Variants in PKP1 observed in about 807,000 individuals in gnomAD.
PKP1 encodes the protein plakophilin-1.
In PKP1, 27 loss-of-function variants were observed where a neutral mutation model predicts 76.4. That is an observed-to-expected ratio of 0.35 (90% CI 0.26 to 0.49). The LOEUF is 0.49. PKP1 is among the 20% of genes least tolerant of loss of function. PKP1 has a pLI of 0.99. For synonymous variants in PKP1, 404 were observed against 384.2 expected (o/e 1.05, Z -0.60); for missense variants, 964 against 955.2 (o/e 1.01, Z -0.12).
intron 9 of PKP1, 101 bp downstream of exon 9, chr1:201,323,290 G>A (rs1374818193): frequency 1.7e-6 from 2 of 1,147,102 alleles, no homozygotes; most frequent in East Asian, 4.8e-5. Context: ...CCTGACTTCG[G>A]AGCCTCCCAT....
At position 201,325,172 on chromosome 1, in the gene PKP1, C is replaced by G. The variant is rs1014976249; in HGVS notation, c.2021+45C>G. 2.5e-6 allele frequency: 4 copies of G among 1,577,848 alleles called. No homozygotes were observed. The African/African-American group carries it at 5.4e-5, about 21-fold the overall frequency. ...CACGGGCTGCACCCCAATCAGAGCC[C>G]CTCCTCACCCTGCACAGCAGGAAGC... On this transcript the variant is annotated intron_variant, in intron 11 of 13. Transcript: ENST00000367324.
chr1:201,301,573 C>A (rs759756486), intron 2 of PKP1, among the ~76,000 whole-genome samples: 4 of 152,136 alleles, frequency 2.6e-5, no homozygotes, highest in Non-Finnish European at 5.9e-5. Flanking sequence ...GAATGGAATT[C>A]TGTCTTCTCC....
chr1:201,302,933 G>A (rs1228219533), intron 2 of PKP1, among the ~76,000 whole-genome samples: 1 of 152,230 alleles, frequency 6.6e-6, no homozygotes, highest in Non-Finnish European at 1.5e-5. Flanking sequence ...GAGGTTCAGA[G>A]AGGCGAGGCG....
intron 8 of PKP1, 139 bp from the exon 9 acceptor site, chr1:201,322,874 C>T: frequency 4.8e-6 from 4 of 832,538 alleles, no homozygotes; most frequent in South Asian, 1.6e-5. Context: ...TCCTGGGCCC[C>T]CTGCCTCTGC....
chr1:201,319,148 CA>C (rs2102179794), intron 6 of PKP1, among the ~76,000 whole-genome samples: 1 of 152,230 alleles, frequency 6.6e-6, no homozygotes, highest in South Asian at 2.1e-4. Context: ...TTCTTTTAGA[CA>C]AAAGTCTACC....
rs574025301 is a variant in PKP1, at chr1:201,283,999, A to AG, written c.202+99dup. 6.0e-4 allele frequency: 649 copies of AG among 1,089,030 alleles called. 4 individuals carry two copies. The Middle Eastern group carries it at 0.011, about 19-fold the overall frequency. 67.5% of individuals were successfully genotyped at this position (1,089,030 alleles called of 1,614,324 possible). A position where few individuals can be genotyped will look rare whatever the true frequency, so the allele number is the denominator to read the frequency against. ...AGAGACGCACGCATCCCCGGGGATG[A>AG]GGGGAGGCGAGGGGCTGCCGGCCCC... On this transcript the variant is annotated intron_variant, in intron 1 of 13. Transcript: ENST00000367324.
intron 1 of PKP1, among the ~76,000 whole-genome samples, chr1:201,287,899 T>A (rs1655784052): frequency 6.6e-6 from 1 of 152,214 alleles, no homozygotes. Flanking sequence ...TTAGATATCT[T>A]CATGTGAAGT....
At chr1:201,328,649 A>T (rs766758994) in intron 12 of PKP1, 113 bp from the exon 13 acceptor site, 23 of 882,074 alleles carry the variant, frequency 2.6e-5, no homozygotes, top group Middle Eastern at 2.3e-4. Flanking sequence ...CTTAGTGATA[A>T]GAGAGAGGCT....
In PKP1 at chr1:201,313,376, G is replaced by A. The variant is rs1458014783; in HGVS notation, c.517G>A (p.Gly173Ser). Residue 173 changes from glycine (G) to serine (S), a missense_variant, in exon 3 of 14, where the codon GGC becomes AGC. Gly to Ser is a moderately conservative substitution (Grantham distance 56, BLOSUM62 0). Coordinates refer to ENST00000367324, the MANE Select transcript of PKP1 (RefSeq NM_001005337.3). ...GGGCACCCTGCGCAAGGGCACGCTG[G>A]GCAGCAAGGGCCAGAAGACCACCCA... ...PRGTLRKGTL[G>S]SKGQKTTQNR... 3 of 1,581,270 alleles carry A rather than the reference G, an allele frequency of 1.9e-6. No individual in the cohort carries two copies. Among genetic ancestry groups the A allele is most frequent in the Non-Finnish European group, 2.6e-6 (3 of 1,163,402 alleles).
At chr1:201,310,349 T>G (rs1298186348) in intron 2 of PKP1, among the ~76,000 whole-genome samples, 2 of 152,238 alleles carry the variant, frequency 1.3e-5, no homozygotes, top group Non-Finnish European at 2.9e-5. Flanking sequence ...ACGTTGGGCT[T>G]AAGTAATTGC....
In PKP1 at chr1:201,318,341, T is replaced by C. The variant is rs144037260; in HGVS notation, c.1055-277T>C. On this transcript the variant is annotated intron_variant, in intron 5 of 13. Coordinates refer to ENST00000367324, the MANE Select transcript of PKP1 (RefSeq NM_001005337.3). ...TAAAATTTATACTAAAAACCACTGA[T>C]CAATCAAACGTTTTTTGATCACTTT... is the stretch of plus-strand genomic sequence containing the variant. 1.1e-3 allele frequency among the ~76,000 whole-genome samples: 167 copies of C among 152,312 alleles called. 2 individuals are homozygous for C. The highest frequency in any genetic ancestry group is 4.0e-3 in the African/African-American group (166 of 41,572).
At position 201,317,781 on chromosome 1, in the gene PKP1, T is replaced by C; in HGVS notation, c.1054+2T>C. 1.2e-6 allele frequency: 2 copies of C among 1,605,568 alleles called. No individual in the cohort carries two copies. The highest frequency in any genetic ancestry group is 1.7e-6 in the Non-Finnish European group (2 of 1,176,836). On this transcript the variant is annotated splice_donor_variant, in intron 5 of 13. Coordinates refer to ENST00000367324, the MANE Select transcript of PKP1 (RefSeq NM_001005337.3). LOFTEE classifies it high-confidence loss of function. Reference sequence around the variant, plus strand: ...CCGAGATCCAGAAGCAGCTGACTGGTAGGACAACACGGCCACCGAGAGCCA... The same window carrying C: ...CCGAGATCCAGAAGCAGCTGACTGGCAGGACAACACGGCCACCGAGAGCCA...
intron 1 of PKP1, among the ~76,000 whole-genome samples, chr1:201,286,564 C>T (rs832166): frequency 0.14 from 21,184 of 152,236 alleles, 1,908 homozygotes; most frequent in Non-Finnish European, 0.2. Context: ...CCTGTCTGCA[C>T]TCATGCTCTC....
At chr1:201,322,286 G>A (rs1656972286) in intron 8 of PKP1, among the ~76,000 whole-genome samples, 153 bp downstream of exon 8, 1 of 152,196 alleles carries the variant, frequency 6.6e-6, no homozygotes, top group African/African-American at 2.4e-5. Flanking sequence ...GGCTCAGGGT[G>A]CACTCTGGGA....
At chr1:201,305,739 G>A (rs1316963131) in intron 2 of PKP1, among the ~76,000 whole-genome samples, 2 of 152,142 alleles carry the variant, frequency 1.3e-5, no homozygotes, top group Non-Finnish European at 2.9e-5. Flanking sequence ...ATAGGGTGGG[G>A]GGCATCTGGC....
At chr1:201,306,289 C>T (rs983914521) in intron 2 of PKP1, among the ~76,000 whole-genome samples, 5 of 152,208 alleles carry the variant, frequency 3.3e-5, no homozygotes, top group Admixed American at 1.3e-4. Flanking sequence ...GGCATAGTTG[C>T]GTGTTGATGG....
Position 201,285,026 on chromosome 1 carries a change from G to A in PKP1, c.202+1122G>A, listed in dbSNP as rs567647929. 1.6e-3 allele frequency among the ~76,000 whole-genome samples: 241 copies of A among 152,308 alleles called. 2 individuals carry two copies. Among genetic ancestry groups the A allele is most frequent in the Non-Finnish European group, 2.6e-3 (178 of 68,034 alleles). ...CCTGGTAAGAATTACACACAAGTGAGCAAAGATTCCACTTGTTTATTTATT... is the reference window on the plus strand; with the variant it reads ...CCTGGTAAGAATTACACACAAGTGAACAAAGATTCCACTTGTTTATTTATT... On this transcript the variant is annotated intron_variant, in intron 1 of 13. Coordinates refer to ENST00000367324, the MANE Select transcript of PKP1 (RefSeq NM_001005337.3).
chr1:201,288,867 G>A lies in PKP1; in HGVS notation c.202+4963G>A, dbSNP rs139333345. On this transcript the variant is annotated intron_variant, in intron 1 of 13. Transcript: ENST00000367324. ...GATTGTGGCAGAGCTAGGTCTGAAC[G>A]CGTCCCAGCAGAGCCTGAGGGAGTC... is the stretch of plus-strand genomic sequence containing the variant. Among the ~76,000 whole-genome samples the A allele has an allele frequency of 2.0e-3, 299 of 152,290 alleles. 1 individual carries two copies. The highest frequency in any genetic ancestry group is 0.01 in the Middle Eastern group (3 of 294).
chr1:201,292,906 G>A (rs1015104264), intron 1 of PKP1, among the ~76,000 whole-genome samples: 1 of 152,256 alleles, frequency 6.6e-6, no homozygotes, highest in African/African-American at 2.4e-5. Flanking sequence ...ACGCAGGGCA[G>A]AATGAGACTT....
Sources: allele counts gnomAD v4.1 joint callset (sites outside exome capture counted in the v4.1 genomes callset), GRCh38; gene constraint gnomAD v4.1.1; transcripts MANE v1.5; gene names NCBI Gene and HGNC (gene_info 2026-07-23, HGNC 2026-07-21).